The following SMAD4 variants were observed in gnomAD, a reference collection of about 807,000 sequenced individuals.
SMAD4 encodes MAD homolog 4.
Under a neutral mutation model 63.2 loss-of-function variants are expected in SMAD4, and 7 were observed. The ratio of observed to expected loss-of-function variants is 0.11; its 90% CI spans 0.06 to 0.21. The LOEUF is 0.21. Among genes scored for constraint, SMAD4 ranks in the 10% least tolerant of loss-of-function variants. The probability of loss-of-function intolerance (pLI) is 1.00; values close to 1 mark genes in which losing one functional copy is unlikely to be tolerated. For synonymous variants in SMAD4, 215 were observed against 235.4 expected (o/e 0.91, Z 0.79); for missense variants, 312 against 693.8 (o/e 0.45, Z 6.18).
chr18:51,048,912 A>C (rs189904125), intron 3 of SMAD4, 52 bp downstream of exon 3: 135 of 1,477,528 alleles, frequency 9.1e-5, no homozygotes, highest in Non-Finnish European at 3.9e-5. Flanking sequence ...AAGGATCTCA[A>C]TAGTGTTTCA....
In SMAD4 at chr18:51,084,012, G is replaced by GCACACACACACACA. The variant is rs56017493; in HGVS notation, c.*5564_*5577dup. 9 of 162,878 alleles carry GCACACACACACACA rather than the reference G, an allele frequency of 5.5e-5. No individual in the cohort carries two copies. Among genetic ancestry groups the GCACACACACACACA allele is most frequent in the South Asian group, 2.3e-4 (1 of 4,266 alleles). 10.1% of individuals were successfully genotyped at this position (162,878 alleles called of 1,614,324 possible). A position where few individuals can be genotyped will look rare whatever the true frequency, so the allele number is the denominator to read the frequency against. Reference sequence around the variant, plus strand: ...TTAACGCGCGTGCGCACGCGCGCGCGCACACACACACACACACACACACAC... The same window carrying GCACACACACACACA: ...TTAACGCGCGTGCGCACGCGCGCGCGCACACACACACACACACACACACACACACACACACACAC... On this transcript the variant is annotated 3_prime_UTR_variant, in exon 12 of 12. Transcript: ENST00000342988.
At chr18:51,066,919 A>G in intron 9 of SMAD4, 100 bp from the exon 10 acceptor site, 1 of 933,230 alleles carries the variant, frequency 1.1e-6, no homozygotes, top group Non-Finnish European at 1.7e-6. Flanking sequence ...TGTGATCTTT[A>G]TTTTTAATTT....
At chr18:51,077,717 A>T (rs1429002638) in intron 11 of SMAD4, among the ~76,000 whole-genome samples, 1 of 152,186 alleles carries the variant, frequency 6.6e-6, no homozygotes, top group Non-Finnish European at 1.5e-5. Context: ...AGAATCCAGA[A>T]CTATTATTAA....
chr18:51,079,773 A>G lies in SMAD4; in HGVS notation c.*1306A>G, dbSNP rs548358195. On this transcript the variant is annotated 3_prime_UTR_variant, in exon 12 of 12. Coordinates refer to ENST00000342988, the MANE Select transcript of SMAD4 (RefSeq NM_005359.6). ...GTAGCATAAATAAAACTGAATCTCA[A>G]CATACAAAGTTGAATTCTAGGTTTG... 8 of 233,258 alleles carry G rather than the reference A, an allele frequency of 3.4e-5. No individual in the cohort carries two copies. Among genetic ancestry groups the G allele is most frequent in the East Asian group, 3.0e-4 (5 of 16,440 alleles). 14.4% of individuals were successfully genotyped at this position (233,258 alleles called of 1,614,324 possible).
At position 51,049,646 on chromosome 18, in the gene SMAD4, A is replaced by AG. The variant is rs1909649644; in HGVS notation, c.454+323dup. 6 of 302,108 alleles carry AG rather than the reference A, an allele frequency of 2.0e-5. No individual in the cohort carries two copies. In the South Asian group the frequency reaches 3.3e-4, roughly 17 times the overall value. 18.7% of individuals were successfully genotyped at this position (302,108 alleles called of 1,614,324 possible). A position where few individuals can be genotyped will look rare whatever the true frequency, so the allele number is the denominator to read the frequency against. ...CCTATTTTTGAAGAAAATCTCACAG[A>AG]GCCAGTTTAAATGGATGTTAAATAC... On this transcript the variant is annotated intron_variant, in intron 4 of 11. Coordinates refer to ENST00000342988, the MANE Select transcript of SMAD4 (RefSeq NM_005359.6).
intron 10 of SMAD4, among the ~76,000 whole-genome samples, chr18:51,074,053 T>A (rs928346037): frequency 6.6e-6 from 1 of 151,650 alleles, no homozygotes. Context: ...AACTCAACAA[T>A]AAAATAATGC....
At chr18:51,072,703 G>C (rs530820879) in intron 10 of SMAD4, among the ~76,000 whole-genome samples, 46 of 152,308 alleles carry the variant, frequency 3.0e-4, no homozygotes, top group African/African-American at 1.1e-3. Flanking sequence ...TCTTTGTTAA[G>C]TAACGGTTTT....
chr18:51,072,364 T>G (rs1910339961), intron 10 of SMAD4, among the ~76,000 whole-genome samples: 1 of 152,224 alleles, frequency 6.6e-6, no homozygotes, highest in Admixed American at 6.5e-5. Flanking sequence ...TGGGTTTGTT[T>G]TTGAACACAT....
chr18:51,072,329 C>T (rs950056878), intron 10 of SMAD4, among the ~76,000 whole-genome samples: 1 of 152,138 alleles, frequency 6.6e-6, no homozygotes, highest in African/African-American at 2.4e-5. Context: ...TTTTGATTTG[C>T]AAACTTCCTG....
At chr18:51,056,926 C>T (rs944268465) in intron 5 of SMAD4, among the ~76,000 whole-genome samples, 3 of 151,988 alleles carry the variant, frequency 2.0e-5, no homozygotes, top group African/African-American at 7.2e-5. Flanking sequence ...TGTAAGTTAG[C>T]TAAGAGTATT....
At chr18:51,052,558 T>A in intron 4 of SMAD4, 1 of 230,974 alleles carries the variant, frequency 4.3e-6, no homozygotes, top group South Asian at 4.9e-5. Flanking sequence ...GAGAAATATT[T>A]AACAGTTTGG....
intron 1 of SMAD4, among the ~76,000 whole-genome samples, chr18:51,043,970 C>T (rs1468582589): frequency 6.6e-6 from 1 of 152,148 alleles, no homozygotes; most frequent in Non-Finnish European, 1.5e-5. Flanking sequence ...CTGGGAATTT[C>T]TAAAATGAGA....
chr18:51,058,531 A>G (rs1227004833), intron 7 of SMAD4, 75 bp downstream of exon 7: 5 of 961,534 alleles, frequency 5.2e-6, no homozygotes, highest in Admixed American at 2.1e-5. Context: ...TTTTTTAAAA[A>G]TGTTTTTACA....
rs1910627019 is a variant in SMAD4, at chr18:51,082,211, G to A, written c.*3744G>A. 1 of 229,824 alleles carries A rather than the reference G, an allele frequency of 4.4e-6. No individual in the cohort carries two copies. Among genetic ancestry groups the A allele is most frequent in the East Asian group, 6.2e-5 (1 of 16,020 alleles). The allele number at this position is 229,824 out of a possible 1,614,324, so 14.2% of individuals were successfully genotyped here. Reference sequence around the variant, plus strand: ...GTAGGTGGGGTACACTCAGCTTAAAGTAATGCATTTTTTTTTCCCGTAAAG... The same window carrying A: ...GTAGGTGGGGTACACTCAGCTTAAAATAATGCATTTTTTTTTCCCGTAAAG... On this transcript the variant is annotated 3_prime_UTR_variant, in exon 12 of 12. Transcript: ENST00000342988.
chr18:51,072,439 T>C (rs12326174), intron 10 of SMAD4, among the ~76,000 whole-genome samples: 7,122 of 152,282 alleles, frequency 0.047, 580 homozygotes, highest in African/African-American at 0.16. Flanking sequence ...GAGGGTATTA[T>C]GAACCTCATT....
intron 10 of SMAD4, among the ~76,000 whole-genome samples, chr18:51,072,983 A>G (rs750543438): frequency 6.6e-6 from 1 of 152,168 alleles, no homozygotes; most frequent in East Asian, 1.9e-4. Flanking sequence ...TCAGGAGGCA[A>G]TGCAGGTTTT....
In SMAD4 at chr18:51,083,846, TA is replaced by T; in HGVS notation, c.*5380del. The T allele has an allele frequency of 4.3e-6, 1 of 231,678 alleles. No homozygotes were observed. Among genetic ancestry groups the T allele is most frequent in the Non-Finnish European group, 8.5e-6 (1 of 117,004 alleles). The allele number at this position is 231,678 out of a possible 1,614,324, so 14.4% of individuals were successfully genotyped here. On this transcript the variant is annotated 3_prime_UTR_variant, in exon 12 of 12. Transcript: ENST00000342988. Reference sequence around the variant, plus strand: ...TGTTCTGCTGTTTGAGGGGGCTTTTTACTTATTTCCATGTTATTCAAAGGAG... The same window carrying T: ...TGTTCTGCTGTTTGAGGGGGCTTTTTCTTATTTCCATGTTATTCAAAGGAG...
Position 51,049,310 on chromosome 18 carries a change from C to A in SMAD4, c.440C>A (p.Thr147Lys). ...VSPGIDLSGL[T>K]LQSNAPSSMM... ...AACAATTAAGATCTCTCAGGATTAA[C>A]ACTGCAGAGTAATGGTAGGTAATCT... Residue 147 changes from threonine to lysine, a missense_variant, in exon 4 of 12, where the codon ACA becomes AAA. By Grantham distance (78) the Thr-to-Lys change is moderately conservative. This residue lies in a region of SMAD4 where 169 missense variants were observed against 211.0 expected (regional missense o/e 0.80). Coordinates refer to ENST00000342988, the MANE Select transcript of SMAD4 (RefSeq NM_005359.6). 1 of 1,594,304 alleles carries A rather than the reference C, an allele frequency of 6.3e-7. No homozygotes were observed. The highest frequency in any genetic ancestry group is 8.6e-7 in the Non-Finnish European group (1 of 1,162,240).
intron 1 of SMAD4, among the ~76,000 whole-genome samples, chr18:51,043,888 A>G (rs553244638): frequency 2.6e-5 from 4 of 152,352 alleles, no homozygotes; most frequent in African/African-American, 7.2e-5. Flanking sequence ...TTGTAAGACA[A>G]TTCCACAGAA....
Sources: gnomAD v4.1 joint callset for allele counts (sites outside exome capture counted in the v4.1 genomes callset) on GRCh38, gnomAD v4.1.1 for gene constraint, gnomAD v4.1.1 regional missense constraint, MANE v1.5 for transcripts, NCBI Gene and HGNC (gene_info 2026-07-23, HGNC 2026-07-21) for gene names.